The following TENM2 variants were observed in gnomAD, a reference collection of about 807,000 sequenced individuals.
TENM2 encodes teneurin-2.
In TENM2, 52 loss-of-function variants were observed where a neutral mutation model predicts 245.2. The ratio of observed to expected loss-of-function variants is 0.21; its 90% CI spans 0.17 to 0.27. The LOEUF (loss-of-function observed/expected upper bound fraction) is 0.27. Ranked by LOEUF, TENM2 falls within the 10% of genes least tolerant of loss-of-function variation. The pLI, the probability that TENM2 is intolerant of heterozygous loss-of-function variation, is 1.00. For synonymous variants in TENM2, 1,363 were observed against 1,438.9 expected (o/e 0.95, Z 1.19); for missense variants, 3,046 against 3,666.8 (o/e 0.83, Z 4.37).
intron 2 of TENM2, among the ~76,000 whole-genome samples, chr5:167,676,093 A>G (rs1018526653): frequency 2.6e-5 from 4 of 152,068 alleles, no homozygotes; most frequent in Non-Finnish European, 5.9e-5. Flanking sequence ...ACAACTCCTT[A>G]TTTACACAGC....
chr5:167,581,082 GT>G (rs1775062839), intron 2 of TENM2, among the ~76,000 whole-genome samples: 1 of 152,134 alleles, frequency 6.6e-6, no homozygotes, highest in South Asian at 2.1e-4. Context: ...TCATAATCCT[GT>G]GGTTATATCT....
chr5:167,275,020 A>G, the TENM2 span, among the ~76,000 whole-genome samples: 1 of 151,114 alleles, frequency 6.6e-6, no homozygotes, highest in Non-Finnish European at 1.5e-5. Context: ...AAATATATAT[A>G]CACACATATA....
rs1431383476 is a variant in TENM2 at position 167,687,554 on chromosome 5, GC to G, written c.503-188431del. Among the ~76,000 whole-genome samples, 27 of 152,274 alleles carry G rather than the reference GC, an allele frequency of 1.8e-4. 1 individual carries two copies. The highest frequency in any genetic ancestry group is 6.5e-4 in the African/African-American group (27 of 41,550). ...GTTCCAGGCTCACGTTGATGGATAT[GC>G]AAGTTTGCTCACTTACTGTGCTAGC... On this transcript the variant is annotated intron_variant, in intron 2 of 28. Coordinates refer to ENST00000518659, the Ensembl canonical transcript of TENM2.
intron 8 of TENM2, among the ~76,000 whole-genome samples, chr5:168,097,397 A>C (rs910519134): frequency 1.3e-5 from 2 of 151,992 alleles, no homozygotes; most frequent in African/African-American, 4.8e-5. Flanking sequence ...CCAGACTGAT[A>C]GTTTATTTTT....
the TENM2 span, among the ~76,000 whole-genome samples, chr5:167,187,968 C>G: frequency 0.11 from 16,810 of 152,128 alleles, 3,133 homozygotes; most frequent in African/African-American, 0.38. Context: ...ACAGCAGCGT[C>G]AGGAGTTGTT....
chr5:167,595,071 G>A (rs1488748876), intron 2 of TENM2, among the ~76,000 whole-genome samples: 2 of 152,072 alleles, frequency 1.3e-5, no homozygotes, highest in Non-Finnish European at 2.9e-5. Context: ...TTCTTCATTT[G>A]GAGAACATCA....
chr5:167,363,253 G>GTTAC, intron 1 of TENM2, among the ~76,000 whole-genome samples: 1 of 152,246 alleles, frequency 6.6e-6, no homozygotes, highest in African/African-American at 2.4e-5. Context: ...AGAGCAACAA[G>GTTAC]GACATGAAAC....
At chr5:168,231,656 T>C (rs1412479745) in intron 25 of TENM2, among the ~76,000 whole-genome samples, 1 of 151,454 alleles carries the variant, frequency 6.6e-6, no homozygotes, top group Admixed American at 6.6e-5. Flanking sequence ...TCCCAACACT[T>C]TGGGAGGCCA....
At chr5:167,574,550 A>G (rs944693704) in intron 2 of TENM2, among the ~76,000 whole-genome samples, 1 of 152,100 alleles carries the variant, frequency 6.6e-6, no homozygotes, top group Admixed American at 6.6e-5. Context: ...TATCTCCTTA[A>G]CGTGTGTCAG....
intron 2 of TENM2, among the ~76,000 whole-genome samples, chr5:167,398,003 A>G (rs1222009783): frequency 6.6e-6 from 1 of 152,146 alleles, no homozygotes; most frequent in Admixed American, 6.6e-5. Flanking sequence ...ATGCACTGTG[A>G]TGATGTAACA....
intron 4 of TENM2, among the ~76,000 whole-genome samples, chr5:167,989,908 G>A (rs542253713): frequency 1.8e-4 from 28 of 152,216 alleles, no homozygotes; most frequent in African/African-American, 6.5e-4. Flanking sequence ...AATGCACAAC[G>A]GGATGTGGGT....
chr5:168,095,969 T>C (rs1387022036), intron 8 of TENM2, among the ~76,000 whole-genome samples: 11 of 152,148 alleles, frequency 7.2e-5, no homozygotes, highest in Admixed American at 5.9e-4. Flanking sequence ...TGCCAGTGCA[T>C]ATGTCATGGG....
In TENM2 at chr5:167,994,267, C is replaced by T. The variant is rs557698268; in HGVS notation, c.1186+1085C>T. The stretch of plus-strand genomic sequence containing the variant: ...AAGCTGACTCCAAAACAGTTCCCAA[C>T]ACGTATGCTGAAACTCCTCCCATTT... On this transcript the variant is annotated intron_variant, in intron 5 of 28. Transcript: ENST00000518659. Among the ~76,000 whole-genome samples, 42 of 152,362 alleles carry T rather than the reference C, an allele frequency of 2.8e-4. 1 individual carries two copies. The highest frequency in any genetic ancestry group is 9.6e-4 in the African/African-American group (40 of 41,586).
chr5:168,045,829 A>C (rs1403493563), intron 5 of TENM2, among the ~76,000 whole-genome samples: 2 of 152,118 alleles, frequency 1.3e-5, no homozygotes, highest in Non-Finnish European at 1.5e-5. Flanking sequence ...TCATTTCCTG[A>C]CCTCTGTATA....
chr5:168,004,102 C>T (rs543796910), intron 5 of TENM2, among the ~76,000 whole-genome samples: 6 of 152,180 alleles, frequency 3.9e-5, no homozygotes, highest in African/African-American at 1.4e-4. Flanking sequence ...AATGTATTGT[C>T]GTTGGAATGA....
chr5:168,132,197 C>T (rs1754650032), intron 12 of TENM2, among the ~76,000 whole-genome samples: 1 of 152,084 alleles, frequency 6.6e-6, no homozygotes, highest in South Asian at 2.1e-4. Context: ...GTTTTCACAT[C>T]ACTGCAAAAA....
At chr5:167,073,811 T>C in the TENM2 span, among the ~76,000 whole-genome samples, 1 of 152,192 alleles carries the variant, frequency 6.6e-6, no homozygotes. Context: ...ATGTTGTTAA[T>C]CTATACAGGC....
chr5:167,403,162 A>C (rs1762452773), intron 2 of TENM2, among the ~76,000 whole-genome samples: 1 of 131,282 alleles, frequency 7.6e-6, no homozygotes, highest in Non-Finnish European at 1.6e-5. Context: ...TGTGATAGTT[A>C]TTATTTTTTT....
chr5:167,112,173 G>A, the TENM2 span, among the ~76,000 whole-genome samples: 2 of 152,168 alleles, frequency 1.3e-5, no homozygotes, highest in African/African-American at 4.8e-5. Context: ...GTTCCTAAAC[G>A]TGAGAGATGA....
Sources: gnomAD v4.1 joint callset for allele counts (sites outside exome capture counted in the v4.1 genomes callset) on GRCh38, gnomAD v4.1.1 for gene constraint, MANE v1.5 for transcripts, NCBI Gene and HGNC (gene_info 2026-07-23, HGNC 2026-07-21) for gene names.